DNAH17: variants seen among roughly 807,000 people sequenced by gnomAD.
The protein encoded by DNAH17 is dynein axonemal heavy chain 17, also known as axonemal beta dynein heavy chain 17.
In DNAH17, 376 loss-of-function variants were observed where a neutral mutation model predicts 485.6. The observed-to-expected ratio is 0.77, with a 90% CI of 0.71 to 0.84. The LOEUF (loss-of-function observed/expected upper bound fraction) is 0.84. Among genes scored for constraint, DNAH17 ranks in the 40% least tolerant of loss-of-function variants. The pLI, the probability that DNAH17 is intolerant of heterozygous loss-of-function variation, is 0.00. For missense variants in DNAH17, 6,370 were observed against 5,839.3 expected, an observed-to-expected ratio of 1.09 and a Z score of -2.96; for synonymous variants, 3,031 against 2,405.9, an observed-to-expected ratio of 1.26 and a Z score of -7.60.
intron 41 of DNAH17, chr17:78,493,240 A>G (rs2089939415): frequency 1.2e-5 from 2 of 160,018 alleles, no homozygotes; most frequent in African/African-American, 4.8e-5. Flanking sequence ...CCCCCCAACC[A>G]TGGCTGAGGC....
chr17:78,429,256 A>C lies in DNAH17; in HGVS notation c.12270T>G (p.Tyr4090Ter). 1 of 1,613,958 alleles carries C rather than the reference A, an allele frequency of 6.2e-7. No individual in the cohort carries two copies. Among genetic ancestry groups the C allele is most frequent in the South Asian group, 1.1e-5 (1 of 91,078 alleles). ...DLRYLFGEIM[Y>*]GGHITDDWDR... ...CCCAGTCATCTGTGATGTGGCCGCCATACATGATTTCACCAAAAAGGTAGC... is the reference window on the plus strand; with the variant it reads ...CCCAGTCATCTGTGATGTGGCCGCCCTACATGATTTCACCAAAAAGGTAGC... The change falls in exon 76 of 81, where the codon TAT (tyrosine) becomes TAG (stop). Residue 4090 changes from tyrosine to a stop codon, truncating the protein, a stop_gained. Coordinates refer to ENST00000389840, the MANE Select transcript of DNAH17 (RefSeq NM_173628.4). LOFTEE classifies it high-confidence loss of function.
Position 78,454,456 on chromosome 17 carries a change from G to GC in DNAH17, c.10406+13dup. On this transcript the variant is annotated intron_variant, in intron 64 of 80. Coordinates refer to ENST00000389840, the MANE Select transcript of DNAH17 (RefSeq NM_173628.4). ...AGAGCCGGGCTTCGGCCCAGGTCCT[G>GC]CGCCCGCACACACCTCTTCTGTCCC... The GC allele has an allele frequency of 6.2e-7, 1 of 1,601,106 alleles. No homozygotes were observed. The highest frequency in any genetic ancestry group is 1.1e-5 in the South Asian group (1 of 89,218).
At chr17:78,479,954 G>C (rs906625985) in intron 49 of DNAH17, among the ~76,000 whole-genome samples, 2 of 150,164 alleles carry the variant, frequency 1.3e-5, no homozygotes, top group African/African-American at 4.9e-5. Flanking sequence ...TCTGGGTAAG[G>C]GCTACAGATA....
intron 48 of DNAH17, among the ~76,000 whole-genome samples, chr17:78,481,269 A>AT (rs1305617255): frequency 6.7e-6 from 1 of 149,092 alleles, no homozygotes; most frequent in Non-Finnish European, 1.5e-5. Flanking sequence ...TGCCTGGCTA[A>AT]TTTTTTTGTA....
chr17:78,433,469 TGG>T (rs1568044206), intron 75 of DNAH17, among the ~76,000 whole-genome samples: 166 of 152,234 alleles, frequency 1.1e-3, no homozygotes, highest in Non-Finnish European at 2.0e-3. Context: ...GGAGGATGTG[TGG>T]CTTTCTACTC....
chr17:78,571,018 T>C lies in DNAH17; in HGVS notation c.848A>G (p.Asn283Ser). Residue 283 changes from asparagine (N) to serine (S), a missense_variant, in exon 6 of 81, where the codon AAC (asparagine) becomes AGC (serine). Coordinates refer to ENST00000389840, the MANE Select transcript of DNAH17 (RefSeq NM_173628.4). ...TNVTEGLKEA[N>S]DIVLYLKPLR... ...GGGCTTCAAATAGAGCACGATGTCGTTGGCTTCCTTCAGCCCTGCACGGAA... is the reference window on the plus strand; with the variant it reads ...GGGCTTCAAATAGAGCACGATGTCGCTGGCTTCCTTCAGCCCTGCACGGAA... 1.3e-6 allele frequency: 2 copies of C among 1,574,202 alleles called. No individual in the cohort carries two copies. The highest frequency in any genetic ancestry group is 1.2e-5 in the South Asian group (1 of 85,572).
chr17:78,542,197 G>C (rs906453368), intron 17 of DNAH17, among the ~76,000 whole-genome samples: 3 of 148,486 alleles, frequency 2.0e-5, no homozygotes, highest in Non-Finnish European at 4.4e-5. Flanking sequence ...GCCCAGGCTG[G>C]AATGCAGTGG....
intron 47 of DNAH17, 96 bp from the exon 48 acceptor site, chr17:78,485,129 G>T: frequency 1.4e-6 from 2 of 1,434,700 alleles, no homozygotes; most frequent in Admixed American, 2.7e-5. Flanking sequence ...GAGGACAGAA[G>T]GTGGGACCTG....
chr17:78,477,620 G>GCC (rs1413046258), intron 51 of DNAH17, among the ~76,000 whole-genome samples: 1 of 152,068 alleles, frequency 6.6e-6, no homozygotes, highest in Non-Finnish European at 1.5e-5. Flanking sequence ...CTCGTGATCT[G>GCC]CCCGCCTTGG....
In DNAH17 at chr17:78,526,863, T is replaced by C. The variant is rs202239778; in HGVS notation, c.3624+17A>G. On this transcript the variant is annotated intron_variant, in intron 23 of 80. Transcript: ENST00000389840. Reference sequence around the variant, plus strand: ...CTGCTCCCCGGAAATCCCGCCACCCTGCCCCAGGTATAATACCTCGAATTG... The same window carrying C: ...CTGCTCCCCGGAAATCCCGCCACCCCGCCCCAGGTATAATACCTCGAATTG... 2.0e-3 allele frequency: 3,161 copies of C among 1,561,976 alleles called. 4 individuals carry two copies. Among genetic ancestry groups the C allele is most frequent in the Non-Finnish European group, 2.4e-3 (2,792 of 1,151,686 alleles).
chr17:78,479,456 G>C, intron 50 of DNAH17, 29 bp downstream of exon 50: 1 of 1,581,098 alleles, frequency 6.3e-7, no homozygotes, highest in African/African-American at 1.4e-5. Flanking sequence ...TTTTACCGAT[G>C]GGAGAGGGGA....
At position 78,451,678 on chromosome 17, in the gene DNAH17, C is replaced by A; in HGVS notation, c.10530-5G>T. 1.3e-6 allele frequency: 2 copies of A among 1,551,424 alleles called. No individual in the cohort carries two copies. Among genetic ancestry groups the A allele is most frequent in the Non-Finnish European group, 8.7e-7 (1 of 1,147,944 alleles). On this transcript the variant is annotated splice_region_variant and splice_polypyrimidine_tract_variant and intron_variant, in intron 65 of 80. Transcript: ENST00000389840. ...TTGTCACCGATCTTAATGTACCTGGCGGTTGGTGGAGGAAAGGGTTAGTGG... is the reference window on the plus strand; with the variant it reads ...TTGTCACCGATCTTAATGTACCTGGAGGTTGGTGGAGGAAAGGGTTAGTGG...
In DNAH17 at chr17:78,486,445, G is replaced by T. The variant is rs780632510; in HGVS notation, c.6880C>A (p.Leu2294Ile). The part of the protein sequence containing the change: ...VQSEKANLMI[L>I]FDKYLPTCLD... ...CACGTGGGCAGGTACTTGTCAAAGA[G>T]GATCATCAGGTTGGCCTTCTCCGAC... Residue 2294 changes from leucine (L) to isoleucine (I), a missense_variant, in exon 45 of 81, where the codon CTC becomes ATC. By Grantham distance (5) the Leu-to-Ile change is conservative (BLOSUM62 2). Transcript: ENST00000389840. 1.3e-5 allele frequency: 21 copies of T among 1,613,582 alleles called. No homozygotes were observed. In the South Asian group the frequency reaches 2.2e-4, roughly 17 times the overall value.
At chr17:78,534,658 C>A (rs2091325721) in intron 19 of DNAH17, among the ~76,000 whole-genome samples, 1 of 152,170 alleles carries the variant, frequency 6.6e-6, no homozygotes, top group African/African-American at 2.4e-5. Flanking sequence ...TGAGATTGTC[C>A]CCTGCAGTCC....
In DNAH17 at chr17:78,484,883, A is replaced by C. The variant is rs757038616; in HGVS notation, c.7634T>G (p.Met2545Arg). The change falls in exon 48 of 81, where the codon ATG becomes AGG. Residue 2545 changes from methionine (M) to arginine (R), a missense_variant. Met to Arg is a moderately conservative substitution (Grantham distance 91, BLOSUM62 -1). Transcript: ENST00000389840. ...CCCGTCTAACCAGTGCCGGTGGTCC[A>C]TGTGCTGCCGGATGAGGGTGTGCGG... ...VAPHTLIRQH[M>R]DHRHWYDRHK... The C allele has an allele frequency of 7.6e-6, 12 of 1,570,132 alleles. No homozygotes were observed. Among genetic ancestry groups the C allele is most frequent in the South Asian group, 4.7e-5 (4 of 85,810 alleles).
chr17:78,546,001 G>A (rs1440549815), intron 16 of DNAH17, among the ~76,000 whole-genome samples: 1 of 151,532 alleles, frequency 6.6e-6, no homozygotes, highest in Non-Finnish European at 1.5e-5. Context: ...TTGAAACAGG[G>A]TCGTGCTTTG....
chr17:78,570,758 A>T (rs1314186927), intron 6 of DNAH17, among the ~76,000 whole-genome samples, 190 bp downstream of exon 6: 3 of 148,496 alleles, frequency 2.0e-5, no homozygotes, highest in African/African-American at 7.4e-5. Flanking sequence ...CTCGGGAGGC[A>T]GAGGCAGGAG....
intron 53 of DNAH17, 39 bp downstream of exon 53, chr17:78,475,630 C>T (rs948381267): frequency 1.9e-6 from 3 of 1,610,108 alleles, no homozygotes; most frequent in African/African-American, 1.3e-5. Context: ...TGACCCGGTC[C>T]AGGTCCCGTG....
intron 6 of DNAH17, 42 bp downstream of exon 6, chr17:78,570,906 A>G (rs368619119): frequency 2.5e-6 from 3 of 1,176,578 alleles, no homozygotes; most frequent in South Asian, 2.8e-5. Flanking sequence ...GAAAAGAAAC[A>G]AGACCCTCCC....
Sources: allele counts gnomAD v4.1 joint callset (sites outside exome capture counted in the v4.1 genomes callset), GRCh38; gene constraint gnomAD v4.1.1; transcripts MANE v1.5; gene names NCBI Gene and HGNC (gene_info 2026-07-23, HGNC 2026-07-21).